Variants in TNKS observed in about 807,000 individuals in gnomAD.
TNKS encodes tankyrase.
A neutral mutation model predicts 135.8 loss-of-function variants in TNKS; 72 were observed. The ratio of observed to expected loss-of-function variants is 0.53; its 90% CI spans 0.44 to 0.64. The LOEUF is 0.64. TNKS is among the 30% of genes least tolerant of loss of function. The pLI is 0.00. For missense variants in TNKS, 1,769 were observed against 1,674.0 expected, an observed-to-expected ratio of 1.06 and a Z score of -0.99; for synonymous variants, 849 against 649.3, an observed-to-expected ratio of 1.31 and a Z score of -4.68.
chr8:9,655,247 A>C (rs546336666), intron 3 of TNKS, among the ~76,000 whole-genome samples: 44 of 152,168 alleles, frequency 2.9e-4, no homozygotes, highest in African/African-American at 9.6e-4. Flanking sequence ...CAGCCCGGAA[A>C]CTCGAACTGG....
At chr8:9,724,136 G>C (rs1805042549) in intron 12 of TNKS, among the ~76,000 whole-genome samples, 1 of 152,138 alleles carries the variant, frequency 6.6e-6, no homozygotes, top group Non-Finnish European at 1.5e-5. Flanking sequence ...TTTAATCTTT[G>C]ATTCTAGGTG....
chr8:9,651,113 A>G (rs1477954501), intron 3 of TNKS, among the ~76,000 whole-genome samples: 1 of 152,164 alleles, frequency 6.6e-6, no homozygotes, highest in Non-Finnish European at 1.5e-5. Flanking sequence ...TTTGTTGAAG[A>G]TCAGTTGGCT....
intron 2 of TNKS, among the ~76,000 whole-genome samples, chr8:9,607,262 G>A (rs1262730940): frequency 6.6e-6 from 1 of 152,128 alleles, no homozygotes; most frequent in Non-Finnish European, 1.5e-5. Flanking sequence ...TTATGCAAAT[G>A]TTATTCATAT....
At chr8:9,561,686 A>T (rs112215486) in intron 1 of TNKS, among the ~76,000 whole-genome samples, 1 of 152,116 alleles carries the variant, frequency 6.6e-6, no homozygotes, top group African/African-American at 2.4e-5. Flanking sequence ...TTTTGTGGAC[A>T]CGGATTTTCT....
At chr8:9,583,146 C>G (rs1278565934) in intron 2 of TNKS, among the ~76,000 whole-genome samples, 1 of 132,054 alleles carries the variant, frequency 7.6e-6, no homozygotes, top group African/African-American at 2.9e-5. Flanking sequence ...GCCTGGGCGA[C>G]AGAGCGAGAC....
chr8:9,666,731 A>AG (rs1802008776), intron 3 of TNKS, among the ~76,000 whole-genome samples: 1 of 152,098 alleles, frequency 6.6e-6, no homozygotes, highest in Non-Finnish European at 1.5e-5. Context: ...AAAAAAAAAA[A>AG]AAAAGTAAAA....
Position 9,734,943 on chromosome 8 carries a change from C to T in TNKS, c.2392C>T (p.Gln798Ter). 1 of 1,614,158 alleles carries T rather than the reference C, an allele frequency of 6.2e-7. No homozygotes were observed. Among genetic ancestry groups the T allele is most frequent in the Non-Finnish European group, 8.5e-7 (1 of 1,180,022 alleles). ...GGTAAAGGAAGGAGACACAGATATT[C>T]AGGACTTACTGAGAGGGGATGCTGC... is the stretch of plus-strand genomic sequence containing the variant. ...DLVKEGDTDI[Q>*]DLLRGDAALL... Residue 798 changes from glutamine (Q) to a stop codon, truncating the protein, a stop_gained, in exon 16 of 27, where the codon CAG becomes TAG. Transcript: ENST00000310430. LOFTEE classifies it high-confidence loss of function.
intron 2 of TNKS, among the ~76,000 whole-genome samples, chr8:9,597,593 G>A (rs1468903233): frequency 6.6e-6 from 1 of 152,200 alleles, no homozygotes; most frequent in Non-Finnish European, 1.5e-5. Flanking sequence ...AATCGTTAAT[G>A]TAACTTAAAC....
chr8:9,555,932 G>C lies in TNKS; in HGVS notation c.-8G>C. ...TTGCCGCAGTGACAGTGCTAGGGGA[G>C]TCCGAAGATGGCGGCGTCGCGTCGC... On this transcript the variant is annotated 5_prime_UTR_variant, in exon 1 of 27. Coordinates refer to ENST00000310430, the MANE Select transcript of TNKS (RefSeq NM_003747.3). 6.2e-7 allele frequency: 1 copy of C among 1,606,454 alleles called. No homozygotes were observed. The highest frequency in any genetic ancestry group is 8.5e-7 in the Non-Finnish European group (1 of 1,176,730).
chr8:9,703,409 G>A lies in TNKS; in HGVS notation c.1108-1254G>A, dbSNP rs943014326. On this transcript the variant is annotated intron_variant, in intron 5 of 26. Transcript: ENST00000310430. ...TATTTTCACAGGTTTTTCAGATAGC[G>A]AGGATGAGTGATTTTATCTCCATTT... Among the ~76,000 whole-genome samples, 78 of 152,264 alleles carry A rather than the reference G, an allele frequency of 5.1e-4. 1 individual carries two copies. The highest frequency in any genetic ancestry group is 1.7e-3 in the African/African-American group (69 of 41,558).
At chr8:9,682,872 A>G (rs1009999515) in intron 5 of TNKS, among the ~76,000 whole-genome samples, 1 of 151,962 alleles carries the variant, frequency 6.6e-6, no homozygotes, top group African/African-American at 2.4e-5. Context: ...TATAATTTAT[A>G]ATGTATAGAA....
chr8:9,663,255 G>A (rs1801818278), intron 3 of TNKS, among the ~76,000 whole-genome samples: 1 of 152,198 alleles, frequency 6.6e-6, no homozygotes, highest in Non-Finnish European at 1.5e-5. Flanking sequence ...TTCTGGTATT[G>A]TGTTACAATA....
intron 3 of TNKS, among the ~76,000 whole-genome samples, chr8:9,672,223 T>C (rs980310813): frequency 6.6e-6 from 1 of 152,188 alleles, no homozygotes; most frequent in Non-Finnish European, 1.5e-5. Flanking sequence ...ATAAGGGGTA[T>C]GTATTATTGG....
At chr8:9,569,440 T>C (rs1797677707) in intron 1 of TNKS, among the ~76,000 whole-genome samples, 1 of 152,218 alleles carries the variant, frequency 6.6e-6, no homozygotes, top group Admixed American at 6.5e-5. Context: ...ATTTTGTCTG[T>C]TTTGAACTTG....
At chr8:9,755,862 ACCT>A (rs1806807066) in intron 20 of TNKS, among the ~76,000 whole-genome samples, 1 of 152,016 alleles carries the variant, frequency 6.6e-6, no homozygotes, top group South Asian at 2.1e-4. Flanking sequence ...TCATAGCCTC[ACCT>A]CCTATCTTCA....
chr8:9,641,130 A>G (rs1040912503), intron 3 of TNKS, among the ~76,000 whole-genome samples: 1 of 146,062 alleles, frequency 6.8e-6, no homozygotes. Context: ...ATTCAGTTAC[A>G]GGTGTGTTCC....
At chr8:9,744,669 T>G (rs1286460175) in intron 17 of TNKS, among the ~76,000 whole-genome samples, 1 of 152,226 alleles carries the variant, frequency 6.6e-6, no homozygotes, top group Admixed American at 6.5e-5. Context: ...TATACTGTGT[T>G]GAATAGAACT....
intron 5 of TNKS, among the ~76,000 whole-genome samples, chr8:9,689,191 T>G (rs1803148811): frequency 6.6e-6 from 1 of 152,242 alleles, no homozygotes; most frequent in African/African-American, 2.4e-5. Context: ...CTTGCTTCTC[T>G]GTCTCACACA....
At chr8:9,626,905 G>A (rs913160907) in intron 3 of TNKS, among the ~76,000 whole-genome samples, 12 of 152,124 alleles carry the variant, frequency 7.9e-5, no homozygotes, top group Admixed American at 2.0e-4. Context: ...TAGAATCTTC[G>A]AAGTCATGTC....
Sources: gnomAD v4.1 joint callset for allele counts (sites outside exome capture counted in the v4.1 genomes callset) on GRCh38, gnomAD v4.1.1 for gene constraint, MANE v1.5 for transcripts, NCBI Gene and HGNC (gene_info 2026-07-23, HGNC 2026-07-21) for gene names.